The following PDIA5 variants were observed in gnomAD, a reference collection of about 807,000 sequenced individuals.
The protein encoded by PDIA5 is protein disulfide isomerase family A member 5, also known as protein disulfide-isomerase A5.
PDIA5 carries 58 observed loss-of-function variants against 77.6 expected under a neutral mutation model. That is an observed-to-expected ratio of 0.75 (90% CI 0.61 to 0.93). PDIA5 has a LOEUF of 0.93. PDIA5 is among the 40% of genes least tolerant of loss of function. The pLI, the probability that PDIA5 is intolerant of heterozygous loss-of-function variation, is 0.00. For synonymous variants in PDIA5, 250 were observed against 252.1 expected (o/e 0.99, Z 0.08); for missense variants, 630 against 647.7 (o/e 0.97, Z 0.30).
chr3:123,087,934 A>G (rs940140771), intron 1 of PDIA5, among the ~76,000 whole-genome samples: 1 of 152,166 alleles, frequency 6.6e-6, no homozygotes, highest in African/African-American at 2.4e-5. Context: ...GAAATTCTCT[A>G]ATCTGTTGCC....
At chr3:123,102,840 G>A in intron 5 of PDIA5, 44 bp downstream of exon 5, 1 of 1,323,286 alleles carries the variant, frequency 7.6e-7, no homozygotes, top group Non-Finnish European at 1.1e-6. Flanking sequence ...GAGTCTAAAT[G>A]GACGCCCAAA....
In PDIA5 at chr3:123,154,215, G is replaced by A. The variant is rs7652819; in HGVS notation, c.1274-756G>A. Among the ~76,000 whole-genome samples, 810 of 152,272 alleles carry A rather than the reference G, an allele frequency of 5.3e-3. 5 individuals are homozygous for A. Among genetic ancestry groups the A allele is most frequent in the African/African-American group, 0.014 (571 of 41,540 alleles). The stretch of plus-strand genomic sequence containing the variant: ...CCAGAACAAGAGACAGATGCTGGAG[G>A]TAGGGGCCCCAGTATAGCTCAAAGG... On this transcript the variant is annotated intron_variant, in intron 14 of 16. Coordinates refer to ENST00000316218, the MANE Select transcript of PDIA5 (RefSeq NM_006810.4).
In PDIA5 at chr3:123,142,517, G is replaced by C. The variant is rs536654554; in HGVS notation, c.911-3005G>C. On this transcript the variant is annotated intron_variant, in intron 11 of 16. Transcript: ENST00000316218. ...TTGATACCTCTACAGCTTATGATGGGGGGATCCCAAGTGGGGTCTAGTCAG... is the reference window on the plus strand; with the variant it reads ...TTGATACCTCTACAGCTTATGATGGCGGGATCCCAAGTGGGGTCTAGTCAG... Among the ~76,000 whole-genome samples the C allele has an allele frequency of 5.9e-5, 9 of 152,312 alleles. No individual in the cohort carries two copies. In the South Asian group the frequency reaches 1.9e-3, roughly 32 times the overall value.
chr3:123,124,396 T>C (rs189004222), intron 10 of PDIA5, 53 bp downstream of exon 10: 33 of 1,341,572 alleles, frequency 2.5e-5, no homozygotes, highest in Middle Eastern at 1.8e-4. Context: ...GCGGGGCATC[T>C]GCCGGGCCTG....
intron 1 of PDIA5, among the ~76,000 whole-genome samples, chr3:123,071,843 G>A (rs369803157): frequency 1.1e-4 from 16 of 152,146 alleles, no homozygotes; most frequent in Admixed American, 3.9e-4. Context: ...CTGGCATGTC[G>A]TCAGCCCCGG....
chr3:123,107,784 T>C (rs1934770985), intron 6 of PDIA5, among the ~76,000 whole-genome samples: 1 of 152,140 alleles, frequency 6.6e-6, no homozygotes, highest in Admixed American at 6.5e-5. Flanking sequence ...CCTCTCCCCT[T>C]TCCTTTAAAA....
At chr3:123,140,456 A>G (rs1185186748) in intron 11 of PDIA5, among the ~76,000 whole-genome samples, 1 of 152,268 alleles carries the variant, frequency 6.6e-6, no homozygotes, top group Admixed American at 6.5e-5. Flanking sequence ...ATTAAATGCC[A>G]TAGAAATATC....
At chr3:123,100,173 A>G (rs530427832) in intron 3 of PDIA5, among the ~76,000 whole-genome samples, 59 of 152,362 alleles carry the variant, frequency 3.9e-4, no homozygotes, top group Non-Finnish European at 7.2e-4. Context: ...GGTTGTAAAC[A>G]TCCTGAGTTG....
intron 1 of PDIA5, chr3:123,067,537 G>A (rs959513519): frequency 1.8e-5 from 6 of 327,228 alleles, no homozygotes; most frequent in East Asian, 1.4e-4. Context: ...GGCGGGCTGC[G>A]GGGTGAGCTC....
intron 8 of PDIA5, among the ~76,000 whole-genome samples, chr3:123,120,896 T>C (rs114729052): frequency 0.01 from 1,524 of 152,240 alleles, 31 homozygotes; most frequent in African/African-American, 0.035. Flanking sequence ...CAGTGGGCTA[T>C]GCTAGCTGGT....
At chr3:123,083,324 G>A (rs1337594318) in intron 1 of PDIA5, among the ~76,000 whole-genome samples, 1 of 152,142 alleles carries the variant, frequency 6.6e-6, no homozygotes, top group East Asian at 1.9e-4. Context: ...TGGCATTGGG[G>A]GCCTCTATTT....
At chr3:123,122,248 G>A (rs924774089) in intron 8 of PDIA5, among the ~76,000 whole-genome samples, 3 of 152,114 alleles carry the variant, frequency 2.0e-5, no homozygotes, top group Non-Finnish European at 4.4e-5. Flanking sequence ...TGTGGTGAAT[G>A]TGCACTGACA....
chr3:123,142,198 G>C (rs770611735), intron 11 of PDIA5, among the ~76,000 whole-genome samples: 2 of 152,242 alleles, frequency 1.3e-5, no homozygotes, highest in Admixed American at 6.5e-5. Context: ...CCTGCCTGCT[G>C]TCCCCACTGG....
intron 5 of PDIA5, among the ~76,000 whole-genome samples, chr3:123,103,187 C>G (rs1008255196): frequency 2.6e-5 from 4 of 152,172 alleles, no homozygotes; most frequent in African/African-American, 4.8e-5. Flanking sequence ...CAGGTTGACA[C>G]CTTTGGGCTG....
At chr3:123,120,102 C>A (rs1935075468) in intron 8 of PDIA5, among the ~76,000 whole-genome samples, 1 of 152,238 alleles carries the variant, frequency 6.6e-6, no homozygotes, top group Admixed American at 6.5e-5. Flanking sequence ...GCCCTGTCTC[C>A]ATCTGCCTCT....
chr3:123,072,908 C>CTGT (rs1933759487), intron 1 of PDIA5, among the ~76,000 whole-genome samples: 1 of 85,394 alleles, frequency 1.2e-5, no homozygotes, highest in Non-Finnish European at 2.4e-5. Context: ...CCCTACCTCT[C>CTGT]CTTCTGTGTG....
chr3:123,086,917 A>G (rs1709826305), intron 1 of PDIA5, among the ~76,000 whole-genome samples: 1 of 152,210 alleles, frequency 6.6e-6, no homozygotes, highest in Non-Finnish European at 1.5e-5. Context: ...TTCCAGTTAG[A>G]AATCATTTTC....
chr3:123,090,235 G>A (rs1015235163), intron 2 of PDIA5, among the ~76,000 whole-genome samples: 11 of 152,332 alleles, frequency 7.2e-5, no homozygotes, highest in African/African-American at 2.6e-4. Context: ...TGCATTGTTG[G>A]GAGCCCAGCA....
intron 2 of PDIA5, among the ~76,000 whole-genome samples, chr3:123,089,497 C>G (rs1303331225): frequency 6.6e-6 from 1 of 152,196 alleles, no homozygotes; most frequent in Non-Finnish European, 1.5e-5. Flanking sequence ...GGGGGTGGTT[C>G]CATTTCTTTT....
Sources: gnomAD v4.1 joint callset for allele counts (sites outside exome capture counted in the v4.1 genomes callset) on GRCh38, gnomAD v4.1.1 for gene constraint, MANE v1.5 for transcripts, NCBI Gene and HGNC (gene_info 2026-07-23, HGNC 2026-07-21) for gene names.